The following TIAM1 variants were observed in gnomAD, a reference collection of about 807,000 sequenced individuals.
TIAM1 encodes the protein TIAM Rac1 associated GEF 1.
TIAM1 carries 65 observed loss-of-function variants against 163.5 expected under a neutral mutation model. That is an observed-to-expected ratio of 0.40 (90% CI 0.33 to 0.49). The LOEUF is 0.49. TIAM1 is among the 20% of genes least tolerant of loss of function. The pLI, the probability that TIAM1 is intolerant of heterozygous loss-of-function variation, is 0.77. For synonymous variants in TIAM1, 833 were observed against 810.1 expected, an observed-to-expected ratio of 1.03 and a Z score of -0.48; for missense variants, 1,789 against 2,044.7, an observed-to-expected ratio of 0.87 and a Z score of 2.41.
chr21:31,132,051 G>A (rs986404942), intron 23 of TIAM1, among the ~76,000 whole-genome samples: 1 of 152,142 alleles, frequency 6.6e-6, no homozygotes, highest in Admixed American at 6.5e-5. Context: ...CCTTCATACT[G>A]ACCCCAAGGA....
intron 2 of TIAM1, among the ~76,000 whole-genome samples, chr21:31,317,689 A>G (rs1277536378): frequency 6.6e-6 from 1 of 152,204 alleles, no homozygotes; most frequent in East Asian, 1.9e-4. Flanking sequence ...CTGAGGCAGA[A>G]GAATCCCTAG....
chr21:31,187,501 G>A (rs2236614), intron 13 of TIAM1, among the ~76,000 whole-genome samples: 17,963 of 152,162 alleles, frequency 0.12, 1,342 homozygotes, highest in Admixed American at 0.21. Flanking sequence ...GTTGGAGGGT[G>A]TGTGTTCATC....
intron 1 of TIAM1, among the ~76,000 whole-genome samples, chr21:31,469,848 A>T (rs1396858448): frequency 6.2e-5 from 1 of 16,062 alleles, no homozygotes; most frequent in East Asian, 4.1e-4. Context: ...CAAACAAACA[A>T]AAAAAAAATC....
chr21:31,186,073 T>C lies in TIAM1; in HGVS notation c.2662+928A>G, dbSNP rs533181949. 3.0e-4 allele frequency among the ~76,000 whole-genome samples: 45 copies of C among 152,340 alleles called. No homozygotes were observed. The South Asian group carries it at 8.9e-3, about 30-fold the overall frequency. ...TACAGTAGCTCTAAGAAATTAGCACTGTGAGCAAATCATCTAGGTTGCAAA... is the reference window on the plus strand; with the variant it reads ...TACAGTAGCTCTAAGAAATTAGCACCGTGAGCAAATCATCTAGGTTGCAAA... On this transcript the variant is annotated intron_variant, in intron 14 of 27. Coordinates refer to ENST00000541036, the MANE Select transcript of TIAM1 (RefSeq NM_001353694.2).
chr21:31,217,471 T>A, intron 9 of TIAM1, 82 bp downstream of exon 9: 2 of 1,542,158 alleles, frequency 1.3e-6, no homozygotes, highest in Non-Finnish European at 1.8e-6. Context: ...TCGGCCTCAC[T>A]GAAGAAACAC....
intron 2 of TIAM1, among the ~76,000 whole-genome samples, chr21:31,443,644 G>A (rs743414): frequency 6.6e-6 from 1 of 152,036 alleles, no homozygotes; most frequent in Admixed American, 6.5e-5. Flanking sequence ...ACCACTGGAA[G>A]AAAATCCCCT....
At chr21:31,314,840 T>TA (rs1225267843) in intron 2 of TIAM1, among the ~76,000 whole-genome samples, 1 of 152,156 alleles carries the variant, frequency 6.6e-6, no homozygotes, top group African/African-American at 2.4e-5. Flanking sequence ...CAAGGATGCT[T>TA]AGCACACGAT....
At position 31,395,621 on chromosome 21, in the gene TIAM1, A is replaced by G. The variant is rs528796145; in HGVS notation, c.-368-56199T>C. 2.0e-5 allele frequency among the ~76,000 whole-genome samples: 3 copies of G among 152,328 alleles called. No homozygotes were observed. The South Asian group carries it at 6.2e-4, about 32-fold the overall frequency. On this transcript the variant is annotated intron_variant, in intron 2 of 28. Coordinates refer to the TIAM1 transcript ENST00000286827. The surrounding 1 kb of genome is among the most constrained non-coding windows in gnomAD (Gnocchi z 7.5). ...TGCGTTACATTTCTCCACATAAATG[A>G]ACTTACACAGAGGGCATGGGGGTAG... is the stretch of plus-strand genomic sequence containing the variant.
chr21:31,349,746 A>G (rs542115270), intron 2 of TIAM1, among the ~76,000 whole-genome samples: 1 of 152,326 alleles, frequency 6.6e-6, no homozygotes, highest in South Asian at 2.1e-4. Flanking sequence ...TCATTGGGTC[A>G]TGAGAGAAGC....
rs557939532 is a variant in TIAM1 at position 31,197,263 on chromosome 21, T to A, written c.2494-1958A>T. Among the ~76,000 whole-genome samples, 21 of 152,286 alleles carry A rather than the reference T, an allele frequency of 1.4e-4. No homozygotes were observed. In the East Asian group the frequency reaches 1.9e-3, roughly 14 times the overall value. On this transcript the variant is annotated intron_variant, in intron 12 of 27. Coordinates refer to ENST00000541036, the MANE Select transcript of TIAM1 (RefSeq NM_001353694.2). ...ATAAGAGTTAAAATTATTTAAAAAA[T>A]TTTTTAAACAAAAAAGGCTGGAAAA...
chr21:31,308,842 C>T (rs571788071), intron 2 of TIAM1, among the ~76,000 whole-genome samples: 40 of 152,208 alleles, frequency 2.6e-4, no homozygotes, highest in African/African-American at 9.6e-4. Flanking sequence ...CTATGTACAG[C>T]CTATTGATTC....
intron 20 of TIAM1, among the ~76,000 whole-genome samples, chr21:31,143,998 G>A (rs892933036): frequency 1.3e-5 from 2 of 151,980 alleles, no homozygotes; most frequent in Non-Finnish European, 2.9e-5. Context: ...CCTCCCAAAG[G>A]GCTGGGATTA....
chr21:31,358,777 C>T (rs1474009928), intron 2 of TIAM1, among the ~76,000 whole-genome samples: 21 of 152,306 alleles, frequency 1.4e-4, no homozygotes, highest in Non-Finnish European at 2.9e-5. Context: ...TGTTTCCACT[C>T]TTGTCCTTCT....
At chr21:31,367,870 G>C (rs772231884) in intron 2 of TIAM1, among the ~76,000 whole-genome samples, 3 of 152,088 alleles carry the variant, frequency 2.0e-5, no homozygotes, top group African/African-American at 7.2e-5. Flanking sequence ...TTGGAATCAC[G>C]TAATCAATAT....
Position 31,477,878 on chromosome 21 carries a change from G to A in TIAM1, c.-421-13843C>T, listed in dbSNP as rs1031773899. Among the ~76,000 whole-genome samples the A allele has an allele frequency of 8.5e-5, 13 of 152,286 alleles. No individual in the cohort carries two copies. The South Asian group carries it at 2.3e-3, about 27-fold the overall frequency. On this transcript the variant is annotated intron_variant, in intron 1 of 28. Coordinates refer to the TIAM1 transcript ENST00000286827. ...AGCAAGTGAAGTCTAATGACTCTCC[G>A]TGTCCCAGGCAGCTGAGAGCCTCAC...
intron 2 of TIAM1, among the ~76,000 whole-genome samples, chr21:31,442,066 A>AAAAAAAAAAAAAAAAAATAT (rs1202451553): frequency 5.3e-5 from 1 of 18,786 alleles, no homozygotes; most frequent in African/African-American, 2.4e-4. Flanking sequence ...AGAACAAATA[A>AAAAAAAAAAAAAAAAAATAT]ATAAATATAT....
chr21:31,252,098 G>A lies in TIAM1; in HGVS notation c.1055C>T (p.Ala352Val). 2 of 1,613,764 alleles carry A rather than the reference G, an allele frequency of 1.2e-6. No individual in the cohort carries two copies. Among genetic ancestry groups the A allele is most frequent in the Non-Finnish European group, 8.5e-7 (1 of 1,180,030 alleles). ...DTDLLSRRSN[A>V]TNSSYSPTTG... is the part of the protein sequence containing the mutation. ...GGTGGGTGAGTAGCTGGAGTTGGTG[G>A]CATTAGATCGCCTGGACAGGAGGTC... Residue 352 changes from alanine (A) to valine (V), a missense_variant, in exon 5 of 28, where the codon GCC becomes GTC. Ala to Val is a moderately conservative substitution (Grantham distance 64). Transcript: ENST00000541036.
intron 6 of TIAM1, among the ~76,000 whole-genome samples, chr21:31,243,973 G>A (rs1030982070): frequency 2.0e-5 from 3 of 152,188 alleles, no homozygotes; most frequent in South Asian, 2.1e-4. Flanking sequence ...TCAACTAGTA[G>A]GCTGCATTTG....
At chr21:31,496,945 G>A (rs112265813) in intron 1 of TIAM1, among the ~76,000 whole-genome samples, 1 of 152,152 alleles carries the variant, frequency 6.6e-6, no homozygotes, top group Admixed American at 6.5e-5. Flanking sequence ...TAAGGAGCAC[G>A]CAACCTACAT....
Sources: allele counts gnomAD v4.1 joint callset (sites outside exome capture counted in the v4.1 genomes callset), GRCh38; gene constraint gnomAD v4.1.1; non-coding constraint Gnocchi (gnomAD v3.1); transcripts MANE v1.5; gene names NCBI Gene and HGNC (gene_info 2026-07-23, HGNC 2026-07-21).